Variants in GALNTL6 observed in about 807,000 individuals in gnomAD.
The protein encoded by GALNTL6 is polypeptide N-acetylgalactosaminyltransferase-like 6.
A neutral mutation model predicts 73.7 loss-of-function variants in GALNTL6; 46 were observed. The ratio of observed to expected loss-of-function variants is 0.62; its 90% CI spans 0.49 to 0.80. GALNTL6 has a LOEUF of 0.80. Ranked by LOEUF, GALNTL6 falls within the 30% of genes least tolerant of loss-of-function variation. The pLI is 0.00. For missense variants in GALNTL6, 604 were observed against 755.0 expected (o/e 0.80, Z 2.34); for synonymous variants, 259 against 263.7 (o/e 0.98, Z 0.17).
chr4:172,189,095 A>G (rs1263167067), intron 2 of GALNTL6, among the ~76,000 whole-genome samples: 2 of 151,792 alleles, frequency 1.3e-5, no homozygotes, highest in Admixed American at 1.3e-4. Flanking sequence ...ATTTAAAAAT[A>G]CTTCATAATA....
intron 5 of GALNTL6, among the ~76,000 whole-genome samples, chr4:172,529,226 A>G (rs1388856938): frequency 6.6e-6 from 1 of 151,770 alleles, no homozygotes; most frequent in East Asian, 1.9e-4. Context: ...AATATAATCT[A>G]AAGAAACAGC....
chr4:172,124,839 T>C (rs1402406903), intron 2 of GALNTL6, among the ~76,000 whole-genome samples: 1 of 152,124 alleles, frequency 6.6e-6, no homozygotes, highest in Non-Finnish European at 1.5e-5. Flanking sequence ...ATTAGGACCT[T>C]GAGCAAGGGA....
intron 3 of GALNTL6, among the ~76,000 whole-genome samples, chr4:172,309,710 T>C (rs1740280753): frequency 6.6e-6 from 1 of 151,594 alleles, no homozygotes; most frequent in African/African-American, 2.4e-5. Context: ...AAGTAAACAT[T>C]GTGTATCTGT....
chr4:171,933,791 A>G (rs1312599696), intron 2 of GALNTL6, among the ~76,000 whole-genome samples: 2 of 152,240 alleles, frequency 1.3e-5, no homozygotes, highest in East Asian at 3.9e-4. Flanking sequence ...CAGATTTACT[A>G]TGTCATCTCT....
chr4:171,819,541 G>T (rs142364035), intron 2 of GALNTL6, among the ~76,000 whole-genome samples: 49 of 152,280 alleles, frequency 3.2e-4, no homozygotes, highest in African/African-American at 1.0e-3. Flanking sequence ...GGTGAGAAAG[G>T]TTGAGTGGTT....
At chr4:172,760,827 G>A (rs952075209) in intron 5 of GALNTL6, among the ~76,000 whole-genome samples, 16 of 152,252 alleles carry the variant, frequency 1.1e-4, no homozygotes, top group Middle Eastern at 3.4e-3. Context: ...CTCATGCCTC[G>A]CTAGGGCCTT....
intron 10 of GALNTL6, among the ~76,000 whole-genome samples, chr4:172,996,503 A>G (rs1202755453): frequency 6.6e-6 from 1 of 152,204 alleles, no homozygotes; most frequent in African/African-American, 2.4e-5. Context: ...AAGTTTACCT[A>G]TATGACAAAC....
At chr4:172,810,983 GAA>G in intron 6 of GALNTL6, among the ~76,000 whole-genome samples, 1 of 149,640 alleles carries the variant, frequency 6.7e-6, no homozygotes, top group East Asian at 2.0e-4. Flanking sequence ...GAAGAAGATA[GAA>G]AAAAAAAGAG....
In GALNTL6 at chr4:172,337,206, A is replaced by AT. The variant is rs879431377; in HGVS notation, c.387-11306dup. Among the ~76,000 whole-genome samples, 108 of 144,838 alleles carry AT rather than the reference A, an allele frequency of 7.5e-4. 1 individual carries two copies. The highest frequency in any genetic ancestry group is 2.1e-3 in the African/African-American group (84 of 39,728). ...CTTGAAGACAGCTGCTGGACGGGTCATTTTTTTTTTTAATCCAGCTTGGCA... is the reference window on the plus strand; with the variant it reads ...CTTGAAGACAGCTGCTGGACGGGTCATTTTTTTTTTTTAATCCAGCTTGGCA... On this transcript the variant is annotated intron_variant, in intron 4 of 12. Transcript: ENST00000506823.
At chr4:172,707,361 A>G (rs1039291015) in intron 5 of GALNTL6, among the ~76,000 whole-genome samples, 6 of 152,204 alleles carry the variant, frequency 3.9e-5, no homozygotes, top group Admixed American at 1.3e-4. Context: ...AGTCAGATAG[A>G]TCTGCCCTAT....
At chr4:172,073,640 T>A (rs899379758) in intron 2 of GALNTL6, among the ~76,000 whole-genome samples, 1 of 152,208 alleles carries the variant, frequency 6.6e-6, no homozygotes, top group African/African-American at 2.4e-5. Flanking sequence ...TTTTATTGAT[T>A]CTCCCATTGA....
In GALNTL6 at chr4:172,870,594, C is replaced by T. The variant is rs149657455; in HGVS notation, c.924-12196C>T. 3.7e-3 allele frequency among the ~76,000 whole-genome samples: 568 copies of T among 152,256 alleles called. 7 individuals carry two copies. The highest frequency in any genetic ancestry group is 0.013 in the African/African-American group (544 of 41,526). ...ATGAGGAATAGTTTTATAGGTTTGACATGAAATGAAAATTTGCTCCTCAAA... is the reference window on the plus strand; with the variant it reads ...ATGAGGAATAGTTTTATAGGTTTGATATGAAATGAAAATTTGCTCCTCAAA... On this transcript the variant is annotated intron_variant, in intron 7 of 12. Transcript: ENST00000506823.
At chr4:172,634,788 T>G (rs921884409) in intron 5 of GALNTL6, among the ~76,000 whole-genome samples, 5 of 152,208 alleles carry the variant, frequency 3.3e-5, no homozygotes, top group African/African-American at 1.2e-4. Flanking sequence ...CAGAGTAAAG[T>G]ATATTTCTGC....
In GALNTL6 at chr4:172,171,195, C is replaced by T. The variant is rs141811688; in HGVS notation, c.139-58461C>T. 4.3e-3 allele frequency among the ~76,000 whole-genome samples: 649 copies of T among 152,120 alleles called. 2 individuals carry two copies. The highest frequency in any genetic ancestry group is 0.015 in the African/African-American group (606 of 41,514). Reference sequence around the variant, plus strand: ...CAGATTTTTCAGAGTTATAACCTCACGGAAGAAGCATAACCTCAGATTTTC... The same window carrying T: ...CAGATTTTTCAGAGTTATAACCTCATGGAAGAAGCATAACCTCAGATTTTC... On this transcript the variant is annotated intron_variant, in intron 2 of 12. Coordinates refer to ENST00000506823, the MANE Select transcript of GALNTL6 (RefSeq NM_001034845.3).
intron 5 of GALNTL6, among the ~76,000 whole-genome samples, chr4:172,665,448 G>T (rs1241862163): frequency 6.6e-6 from 1 of 152,158 alleles, no homozygotes; most frequent in African/African-American, 2.4e-5. Flanking sequence ...AGGTATAGTG[G>T]TTTACTTAAA....
At chr4:171,963,742 T>C (rs1376167209) in intron 2 of GALNTL6, among the ~76,000 whole-genome samples, 1 of 152,090 alleles carries the variant, frequency 6.6e-6, no homozygotes, top group Non-Finnish European at 1.5e-5. Flanking sequence ...CATATTAACA[T>C]AACGACATTA....
intron 4 of GALNTL6, among the ~76,000 whole-genome samples, chr4:172,347,231 C>G (rs1741778708): frequency 6.6e-6 from 1 of 152,042 alleles, no homozygotes; most frequent in Non-Finnish European, 1.5e-5. Context: ...CTCAAGTGAT[C>G]CTCCCACCTT....
chr4:172,105,448 G>A (rs1732649296), intron 2 of GALNTL6, among the ~76,000 whole-genome samples: 1 of 151,354 alleles, frequency 6.6e-6, no homozygotes, highest in South Asian at 2.1e-4. Flanking sequence ...ATAACATAAA[G>A]TTTTTTTTTA....
chr4:172,097,327 T>C (rs1210212838), intron 2 of GALNTL6, among the ~76,000 whole-genome samples: 1 of 152,200 alleles, frequency 6.6e-6, no homozygotes, highest in African/African-American at 2.4e-5. Flanking sequence ...GCTTTTCATA[T>C]GTTAGAAATG....
Sources: gnomAD v4.1 joint callset for allele counts (sites outside exome capture counted in the v4.1 genomes callset) on GRCh38, gnomAD v4.1.1 for gene constraint, MANE v1.5 for transcripts, NCBI Gene and HGNC (gene_info 2026-07-23, HGNC 2026-07-21) for gene names.